Variants in ADCY5 observed in about 807,000 individuals in gnomAD.
ADCY5 encodes the protein adenylate cyclase 5.
In ADCY5, 30 loss-of-function variants were observed where a neutral mutation model predicts 119.7. That is an observed-to-expected ratio of 0.25 (90% confidence interval 0.19 to 0.34). The LOEUF (loss-of-function observed/expected upper bound fraction) is 0.34. Ranked by LOEUF, ADCY5 falls within the 10% of genes least tolerant of loss-of-function variation. The pLI is 1.00. For missense variants in ADCY5, 1,324 were observed against 1,775.2 expected, an observed-to-expected ratio of 0.75 and a Z score of 4.57; for synonymous variants, 753 against 762.2, an observed-to-expected ratio of 0.99 and a Z score of 0.20.
At chr3:123,441,772 T>C (rs769806300) in intron 1 of ADCY5, among the ~76,000 whole-genome samples, 2 of 152,152 alleles carry the variant, frequency 1.3e-5, no homozygotes, top group Admixed American at 6.5e-5. Flanking sequence ...TCAGAGGCCG[T>C]TGTATTTCAG....
chr3:123,396,972 C>A (rs866492457), intron 1 of ADCY5, among the ~76,000 whole-genome samples: 14 of 152,134 alleles, frequency 9.2e-5, no homozygotes, highest in African/African-American at 2.9e-4. Context: ...AACTTCTGTA[C>A]AATGTGAGCT....
chr3:123,419,077 C>T (rs1420921484), intron 1 of ADCY5: 1 of 900,476 alleles, frequency 1.1e-6, no homozygotes, highest in Non-Finnish European at 1.3e-6. Flanking sequence ...CAATCCCCCA[C>T]AGTAAATCTT....
At chr3:123,310,233 C>T (rs946896977) in intron 12 of ADCY5, among the ~76,000 whole-genome samples, 3 of 151,736 alleles carry the variant, frequency 2.0e-5, no homozygotes, top group African/African-American at 7.3e-5. Flanking sequence ...TCTAATGAGC[C>T]ACAGTAAGGG....
intron 1 of ADCY5, among the ~76,000 whole-genome samples, chr3:123,376,988 T>C (rs1362991046): frequency 6.6e-6 from 1 of 152,136 alleles, no homozygotes; most frequent in Non-Finnish European, 1.5e-5. Flanking sequence ...AATGAGGAGA[T>C]GTGCCCCAGC....
At chr3:123,395,572 C>T (rs1028622354) in intron 1 of ADCY5, among the ~76,000 whole-genome samples, 1 of 152,120 alleles carries the variant, frequency 6.6e-6, no homozygotes. Context: ...TAAACTTTTG[C>T]TGGATTTGAA....
At chr3:123,396,779 A>AAGGCAGGCAGGCAGGCAGGC (rs1195206250) in intron 1 of ADCY5, among the ~76,000 whole-genome samples, 1 of 69,904 alleles carries the variant, frequency 1.4e-5, no homozygotes, top group Non-Finnish European at 2.8e-5. Flanking sequence ...GGAAGGAAGG[A>AAGGCAGGCAGGCAGGCAGGC]AGGCAGGCAG....
chr3:123,352,654 C>A lies in ADCY5; in HGVS notation c.1135-73G>T. 1 of 1,501,346 alleles carries A rather than the reference C, an allele frequency of 6.7e-7. No homozygotes were observed. Among genetic ancestry groups the A allele is most frequent in the Non-Finnish European group, 9.0e-7 (1 of 1,117,032 alleles). 93.0% of individuals were successfully genotyped at this position (1,501,346 alleles called of 1,614,324 possible). On this transcript the variant is annotated intron_variant, in intron 1 of 20. Transcript: ENST00000462833. This position sits in a 1 kb window ranked among gnomAD's most constrained non-coding sequence, Gnocchi z 4.8. ...GGCCCCAAAGCATGAAGCCCTCAGC[C>A]CCTGTCTCAGCAAACTCACACCTGG...
At chr3:123,368,839 C>T (rs915145533) in intron 1 of ADCY5, among the ~76,000 whole-genome samples, 1 of 151,650 alleles carries the variant, frequency 6.6e-6, no homozygotes, top group African/African-American at 2.4e-5. Context: ...TAACACATAG[C>T]AGGCCACAAT....
In ADCY5 at chr3:123,310,103, TACACACAC is replaced by T. The variant is rs60966110; in HGVS notation, c.2442+4124_2442+4131del. Among the ~76,000 whole-genome samples, 565 of 121,206 alleles carry T rather than the reference TACACACAC, an allele frequency of 4.7e-3. 3 individuals are homozygous for T. Among genetic ancestry groups the T allele is most frequent in the African/African-American group, 0.012 (402 of 32,502 alleles). 79.5% of individuals were successfully genotyped at this position (121,206 alleles called of 152,430 possible). ...GGCTGGGGGATAAGAGAGAGAGATT[TACACACAC>T]ACACACACACACACACACACACACA... On this transcript the variant is annotated intron_variant, in intron 12 of 20. Transcript: ENST00000462833.
intron 1 of ADCY5, among the ~76,000 whole-genome samples, chr3:123,388,967 T>C (rs1441865844): frequency 6.6e-6 from 1 of 152,058 alleles, no homozygotes; most frequent in African/African-American, 2.4e-5. Flanking sequence ...TGTCCCTAGT[T>C]AGCCTCTACA....
intron 1 of ADCY5, among the ~76,000 whole-genome samples, chr3:123,372,380 C>T (rs1014650701): frequency 6.6e-6 from 1 of 152,138 alleles, no homozygotes; most frequent in Non-Finnish European, 1.5e-5. Context: ...TCACAATGCC[C>T]AACTGGGCAG....
chr3:123,448,010 TCGACGGCGC>T lies in ADCY5; in HGVS notation c.527_535del (p.Gly176_Val178del). The T allele has an allele frequency of 3.1e-6, 4 of 1,282,452 alleles. No homozygotes were observed. The highest frequency in any genetic ancestry group is 3.9e-6 in the Non-Finnish European group (4 of 1,019,986). The allele number at this position is 1,282,452 out of a possible 1,614,324, so 79.4% of individuals were successfully genotyped here. A position where few individuals can be genotyped will look rare whatever the true frequency, so the allele number is the denominator to read the frequency against. On this transcript the variant is annotated inframe_deletion, in exon 1 of 21. Coordinates refer to ENST00000462833, the MANE Select transcript of ADCY5 (RefSeq NM_183357.3). Reference sequence around the variant, plus strand: ...GCCATCCCCGGACCCCTCGCCGCCCTCGACGGCGCCGGCCTCCAGCTCGTCGGCCGCGCG... The same window carrying T: ...GCCATCCCCGGACCCCTCGCCGCCCTCGGCCTCCAGCTCGTCGGCCGCGCG...
At chr3:123,296,373 T>G (rs1408198741) in intron 16 of ADCY5, among the ~76,000 whole-genome samples, 157 bp from the exon 17 acceptor site, 2 of 150,182 alleles carry the variant, frequency 1.3e-5, no homozygotes, top group African/African-American at 4.9e-5. Flanking sequence ...CACGCGTGCC[T>G]CCTCCAGAAA....
Position 123,448,137 on chromosome 3 carries a change from C to T in ADCY5, c.409G>A (p.Gly137Ser). 1 of 1,023,406 alleles carries T rather than the reference C, an allele frequency of 9.8e-7. No homozygotes were observed. The highest frequency in any genetic ancestry group is 1.2e-6 in the Non-Finnish European group (1 of 860,328). 63.4% of individuals were successfully genotyped at this position (1,023,406 alleles called of 1,614,324 possible). Residue 137 changes from glycine to serine, a missense_variant, in exon 1 of 21, where the codon GGC becomes AGC. Physicochemically the swap from Gly to Ser is moderately conservative, Grantham distance 56. Around this residue, in one of 6 missense-constraint regions of ADCY5, gnomAD observed 585 missense variants for 569.9 expected, o/e 1.03. Transcript: ENST00000462833. ...STRAPPAGGG[G>S]GSAAAAASAG... is the part of the protein sequence containing the mutation. The stretch of plus-strand genomic sequence containing the variant: ...GAGGCAGCCGCCGCCGCCGAGCCGC[C>T]GCCGCCGCCCGCAGGGGGCGCCCGG...
chr3:123,353,217 C>T (rs1190173480), intron 1 of ADCY5, among the ~76,000 whole-genome samples: 1 of 152,224 alleles, frequency 6.6e-6, no homozygotes, highest in Admixed American at 6.5e-5. Context: ...CCATTTCCCC[C>T]GCTCCCCAAC....
At chr3:123,427,481 C>T (rs1362612452) in intron 1 of ADCY5, among the ~76,000 whole-genome samples, 1 of 152,218 alleles carries the variant, frequency 6.6e-6, no homozygotes, top group African/African-American at 2.4e-5. Flanking sequence ...TTCGCTCCTG[C>T]TGTTACCTGT....
At chr3:123,384,297 T>C (rs1944140062) in intron 1 of ADCY5, among the ~76,000 whole-genome samples, 2 of 152,156 alleles carry the variant, frequency 1.3e-5, no homozygotes, top group African/African-American at 4.8e-5. Context: ...ACAGTACATA[T>C]TATCAAGGAC....
In ADCY5 at chr3:123,448,300, C is replaced by T. The variant is rs2107659164; in HGVS notation, c.246G>A (p.Pro82=). The change falls in exon 1 of 21, where the codon CCG becomes CCA. Residue 82 remains proline, a synonymous_variant. Coordinates refer to ENST00000462833, the MANE Select transcript of ADCY5 (RefSeq NM_183357.3). ...RWRSDDDDDP[P]LSGDDPLAGG... Reference sequence around the variant, plus strand: ...CGGCCAGGGGGTCGTCACCGCTCAGCGGAGGATCGTCGTCGTCGTCGCTGC... The same window carrying T: ...CGGCCAGGGGGTCGTCACCGCTCAGTGGAGGATCGTCGTCGTCGTCGCTGC... 2 of 1,540,536 alleles carry T rather than the reference C, an allele frequency of 1.3e-6. No individual in the cohort carries two copies. Among genetic ancestry groups the T allele is most frequent in the Non-Finnish European group, 1.7e-6 (2 of 1,154,258 alleles).
At chr3:123,415,332 C>T (rs528096307) in intron 1 of ADCY5, among the ~76,000 whole-genome samples, 6 of 152,324 alleles carry the variant, frequency 3.9e-5, no homozygotes, top group South Asian at 4.1e-4. Flanking sequence ...CCCAGCTCCA[C>T]GGTACACTAG....
Sources: allele counts gnomAD v4.1 joint callset (sites outside exome capture counted in the v4.1 genomes callset), GRCh38; gene constraint gnomAD v4.1.1; regional missense constraint gnomAD v4.1.1; non-coding constraint Gnocchi (gnomAD v3.1); transcripts MANE v1.5; gene names NCBI Gene and HGNC (gene_info 2026-07-23, HGNC 2026-07-21).